Variants in SPATA6 observed in about 807,000 individuals in gnomAD.
The protein encoded by SPATA6 is spermatogenesis-associated protein 6.
In SPATA6, 56 loss-of-function variants were observed where a neutral mutation model predicts 65.3. The ratio of observed to expected loss-of-function variants is 0.86; its 90% CI spans 0.69 to 1.07. The LOEUF (loss-of-function observed/expected upper bound fraction) is 1.07. Ranked by LOEUF, SPATA6 falls within the 50% of genes least tolerant of loss-of-function variation. The pLI is 0.00. For synonymous variants in SPATA6, 199 were observed against 213.2 expected (o/e 0.93, Z 0.58); for missense variants, 590 against 594.8 (o/e 0.99, Z 0.08).
At chr1:48,317,735 T>C (rs1275170272) in intron 11 of SPATA6, among the ~76,000 whole-genome samples, 1 of 152,090 alleles carries the variant, frequency 6.6e-6, no homozygotes, top group Non-Finnish European at 1.5e-5. Flanking sequence ...CATGGTGTTA[T>C]ATATTTAAGA....
At chr1:48,446,182 C>T (rs1341607152) in intron 3 of SPATA6, among the ~76,000 whole-genome samples, 1 of 152,196 alleles carries the variant, frequency 6.6e-6, no homozygotes, top group African/African-American at 2.4e-5. Context: ...TACATAAGCC[C>T]TCTTCCCCAG....
At chr1:48,287,199 G>C in the SPATA6 span, among the ~76,000 whole-genome samples, 3 of 152,140 alleles carry the variant, frequency 2.0e-5, no homozygotes, top group African/African-American at 4.8e-5. Context: ...TGGGTTAAGA[G>C]AGTGAAGGGG....
chr1:48,273,121 CCTCAA>C, the SPATA6 span, among the ~76,000 whole-genome samples: 1 of 152,046 alleles, frequency 6.6e-6, no homozygotes, highest in Non-Finnish European at 1.5e-5. Flanking sequence ...TTGGGTGTAG[CCTCAA>C]CTCTTTATTT....
chr1:48,279,665 C>A, the SPATA6 span, among the ~76,000 whole-genome samples: 2 of 152,166 alleles, frequency 1.3e-5, no homozygotes, highest in African/African-American at 4.8e-5. Context: ...AATACAGGAG[C>A]ATGCAGATTC....
chr1:48,280,047 T>G, the SPATA6 span, among the ~76,000 whole-genome samples: 1 of 152,198 alleles, frequency 6.6e-6, no homozygotes, highest in Non-Finnish European at 1.5e-5. Context: ...ACCGCTCAAC[T>G]ACATGGAAAC....
intron 8 of SPATA6, among the ~76,000 whole-genome samples, chr1:48,394,911 G>A (rs1056819673): frequency 2.0e-5 from 3 of 151,802 alleles, no homozygotes; most frequent in African/African-American, 4.8e-5. Context: ...TCCTAACAAC[G>A]TAATTAAAAT....
intron 10 of SPATA6, among the ~76,000 whole-genome samples, chr1:48,357,495 C>T (rs572484141): frequency 6.6e-6 from 1 of 152,058 alleles, no homozygotes; most frequent in African/African-American, 2.4e-5. Flanking sequence ...TTAGAGAAAA[C>T]TTACTTAATT....
At chr1:48,317,587 T>C (rs901059231) in intron 11 of SPATA6, among the ~76,000 whole-genome samples, 3 of 151,878 alleles carry the variant, frequency 2.0e-5, no homozygotes, top group Non-Finnish European at 4.4e-5. Flanking sequence ...AAATGATGAG[T>C]TAATGGGTGC....
chr1:48,347,495 TG>T (rs574362398), intron 11 of SPATA6, among the ~76,000 whole-genome samples: 5,238 of 146,582 alleles, frequency 0.036, 304 homozygotes, highest in African/African-American at 0.12. Flanking sequence ...AATGTATATA[TG>T]TATATATAAT....
intron 9 of SPATA6, among the ~76,000 whole-genome samples, chr1:48,361,384 G>C (rs1293209100): frequency 3.9e-5 from 6 of 152,116 alleles, no homozygotes; most frequent in Non-Finnish European, 8.8e-5. Context: ...AGTTAGAAAA[G>C]ACAGACCTTT....
At chr1:48,446,128 A>T (rs1259821613) in intron 3 of SPATA6, among the ~76,000 whole-genome samples, 4 of 152,190 alleles carry the variant, frequency 2.6e-5, no homozygotes, top group Non-Finnish European at 5.9e-5. Flanking sequence ...CAGGTAGAAA[A>T]GCAGCCATTA....
intron 3 of SPATA6, chr1:48,437,131 A>G: frequency 6.2e-7 from 1 of 1,601,314 alleles, no homozygotes; most frequent in Non-Finnish European, 8.6e-7. Flanking sequence ...TCCTGCTTAT[A>G]ACAAGCCATC....
chr1:48,356,069 G>GA (rs1184499672), intron 10 of SPATA6, among the ~76,000 whole-genome samples: 11 of 151,218 alleles, frequency 7.3e-5, no homozygotes, highest in Admixed American at 2.0e-4. Flanking sequence ...TTTCTGCAGA[G>GA]AAAAAAAATA....
intron 11 of SPATA6, among the ~76,000 whole-genome samples, chr1:48,327,151 T>G (rs910424462): frequency 4.0e-5 from 6 of 151,214 alleles, no homozygotes; most frequent in Non-Finnish European, 7.4e-5. Flanking sequence ...CCACACACAC[T>G]AAAAAAAGAA....
rs556127388 is a variant in SPATA6 at position 48,368,202 on chromosome 1, G to A, written c.910-8432C>T. Among the ~76,000 whole-genome samples, 25 of 152,234 alleles carry A rather than the reference G, an allele frequency of 1.6e-4. No individual in the cohort carries two copies. In the East Asian group the frequency reaches 4.4e-3, roughly 27 times the overall value. ...ATGGGCTTCCCTCTGTGGGTAACCC[G>A]ACCTTTCTCTCTGGGTGCCCTTAAC... On this transcript the variant is annotated intron_variant, in intron 9 of 12. Coordinates refer to ENST00000371847, the MANE Select transcript of SPATA6 (RefSeq NM_019073.4).
chr1:48,368,478 G>GACC (rs1647109509), intron 9 of SPATA6, among the ~76,000 whole-genome samples: 1 of 152,122 alleles, frequency 6.6e-6, no homozygotes, highest in Non-Finnish European at 1.5e-5. Flanking sequence ...ACATTTCTTG[G>GACC]AGACTTTGTT....
At position 48,297,534 on chromosome 1, in the gene SPATA6, C is replaced by T. The variant is rs1426203011; in HGVS notation, c.*1179G>A. 6.6e-6 allele frequency: 1 copy of T among 152,066 alleles called. No individual in the cohort carries two copies. The highest frequency in any genetic ancestry group is 1.5e-5 in the Non-Finnish European group (1 of 67,992). The allele number at this position is 152,066 out of a possible 1,614,324, so 9.4% of individuals were successfully genotyped here. On this transcript the variant is annotated 3_prime_UTR_variant, in exon 13 of 13. Transcript: ENST00000371847. The stretch of plus-strand genomic sequence containing the variant: ...CATTTTAAAGGAAGTTCATTTTGTT[C>T]TTTTTCAATCATAACTGTAAAATTA...
chr1:48,386,240 A>C (rs2245602), intron 8 of SPATA6, among the ~76,000 whole-genome samples: 1,545 of 152,334 alleles, frequency 0.01, 21 homozygotes, highest in African/African-American at 0.036. Flanking sequence ...GGATTTTAAA[A>C]CTAATTCTAA....
intron 6 of SPATA6, among the ~76,000 whole-genome samples, chr1:48,401,189 C>T (rs1651126108): frequency 6.6e-6 from 1 of 152,024 alleles, no homozygotes; most frequent in Non-Finnish European, 1.5e-5. Flanking sequence ...CCCTAGAACT[C>T]TTCCCCCAAG....
Sources: allele counts gnomAD v4.1 joint callset (sites outside exome capture counted in the v4.1 genomes callset), GRCh38; gene constraint gnomAD v4.1.1; transcripts MANE v1.5; gene names NCBI Gene and HGNC (gene_info 2026-07-23, HGNC 2026-07-21).